Variants in SRBD1 observed in about 807,000 individuals in gnomAD.
SRBD1 encodes the protein S1 RNA binding domain 1.
SRBD1 carries 88 observed loss-of-function variants against 115.3 expected under a neutral mutation model. The ratio of observed to expected loss-of-function variants is 0.76; its 90% CI spans 0.64 to 0.91. The LOEUF is 0.91. SRBD1 is among the 40% of genes least tolerant of loss of function. The probability of loss-of-function intolerance (pLI) is 0.00; values close to 1 mark genes in which losing one functional copy is unlikely to be tolerated. For missense variants in SRBD1, 1,385 were observed against 1,177.4 expected, an observed-to-expected ratio of 1.18 and a Z score of -2.58; for synonymous variants, 509 against 407.7, an observed-to-expected ratio of 1.25 and a Z score of -2.99.
intron 14 of SRBD1, among the ~76,000 whole-genome samples, chr2:45,522,505 A>G (rs1671317747): frequency 6.6e-6 from 1 of 152,128 alleles, no homozygotes; most frequent in African/African-American, 2.4e-5. Context: ...CAAACATGAT[A>G]CTCAAAGGAA....
chr2:45,394,856 G>A (rs960708459), intron 19 of SRBD1, among the ~76,000 whole-genome samples: 4 of 152,224 alleles, frequency 2.6e-5, no homozygotes, highest in Admixed American at 6.5e-5. Context: ...AAACGTTGGT[G>A]TTTGGTCTCC....
At chr2:45,530,599 C>T (rs893587397) in intron 14 of SRBD1, among the ~76,000 whole-genome samples, 5 of 152,032 alleles carry the variant, frequency 3.3e-5, no homozygotes, top group African/African-American at 1.2e-4. Context: ...TAAAGACACA[C>T]ATCCTATATA....
At chr2:45,418,792 A>T (rs1667912883) in intron 17 of SRBD1, among the ~76,000 whole-genome samples, 2 of 152,180 alleles carry the variant, frequency 1.3e-5, no homozygotes, top group African/African-American at 4.8e-5. Flanking sequence ...GCTGGTAAGA[A>T]GGCTAACACT....
At chr2:45,491,362 G>A (rs928909933) in intron 14 of SRBD1, among the ~76,000 whole-genome samples, 9 of 151,978 alleles carry the variant, frequency 5.9e-5, no homozygotes, top group African/African-American at 2.2e-4. Context: ...AAACAAATTA[G>A]CCTCAAAATC....
At chr2:45,602,926 G>C (rs1022563199) in intron 2 of SRBD1, among the ~76,000 whole-genome samples, 1 of 152,188 alleles carries the variant, frequency 6.6e-6, no homozygotes, top group Non-Finnish European at 1.5e-5. Flanking sequence ...GAATAATTAT[G>C]ATAGGTCAAA....
intron 19 of SRBD1, among the ~76,000 whole-genome samples, chr2:45,401,146 C>G (rs1264120821): frequency 1.3e-5 from 2 of 152,106 alleles, no homozygotes; most frequent in South Asian, 2.1e-4. Flanking sequence ...TAGGTTTTAA[C>G]TACTAACAAC....
chr2:45,419,809 A>C lies in SRBD1; in HGVS notation c.2135T>G (p.Ile712Ser), dbSNP rs1667943093. The C allele has an allele frequency of 1.2e-6, 2 of 1,613,840 alleles. No individual in the cohort carries two copies. Among genetic ancestry groups the C allele is most frequent in the East Asian group, 4.5e-5 (2 of 44,866 alleles). The change falls in exon 17 of 21, where the codon ATC (isoleucine) becomes AGC (serine). Residue 712 changes from isoleucine to serine, a missense_variant. Coordinates refer to ENST00000263736, the MANE Select transcript of SRBD1 (RefSeq NM_018079.5). ...TCACCTTAACAAAACTTCTGAACAG[A>C]TGTTAATATCCACTCCCACAAAGCT... is the stretch of plus-strand genomic sequence containing the variant. ...CVSFVGVDIN[I>S]CSEVLLRHIA...
At chr2:45,522,286 G>C (rs753453091) in intron 14 of SRBD1, among the ~76,000 whole-genome samples, 8 of 151,946 alleles carry the variant, frequency 5.3e-5, no homozygotes, top group Non-Finnish European at 1.2e-4. Context: ...GATCCTCCTA[G>C]CTCAGCCTCC....
chr2:45,453,650 CT>C (rs1293363880), intron 16 of SRBD1, among the ~76,000 whole-genome samples: 2 of 151,744 alleles, frequency 1.3e-5, no homozygotes, highest in African/African-American at 4.8e-5. Context: ...GTGTTCCTTT[CT>C]TATAAAAATT....
chr2:45,489,765 C>T (rs1218027212), intron 14 of SRBD1, among the ~76,000 whole-genome samples: 1 of 152,094 alleles, frequency 6.6e-6, no homozygotes, highest in East Asian at 1.9e-4. Flanking sequence ...TAGATTTGGA[C>T]CCTAACCTGC....
intron 20 of SRBD1, among the ~76,000 whole-genome samples, chr2:45,392,376 T>A (rs1667028689): frequency 6.6e-6 from 1 of 152,196 alleles, no homozygotes; most frequent in Non-Finnish European, 1.5e-5. Context: ...ATACTGTAAT[T>A]CTTTTTCACT....
intron 14 of SRBD1, among the ~76,000 whole-genome samples, chr2:45,507,305 C>G (rs1243427012): frequency 6.6e-6 from 1 of 152,044 alleles, no homozygotes; most frequent in South Asian, 2.1e-4. Flanking sequence ...AGCAAGCAGA[C>G]AAACCAAGGC....
intron 10 of SRBD1, among the ~76,000 whole-genome samples, chr2:45,558,000 C>A (rs968056271): frequency 2.0e-5 from 3 of 152,190 alleles, no homozygotes; most frequent in East Asian, 1.9e-4. Flanking sequence ...GCTCTCCCAA[C>A]TTCATATATA....
At chr2:45,562,587 T>A in intron 10 of SRBD1, 66 bp downstream of exon 10, 1 of 1,280,272 alleles carries the variant, frequency 7.8e-7, no homozygotes, top group East Asian at 2.4e-5. Context: ...TATCAGTACA[T>A]ATAGATATCG....
intron 16 of SRBD1, among the ~76,000 whole-genome samples, chr2:45,471,458 C>A (rs143306824): frequency 6.6e-6 from 1 of 152,176 alleles, no homozygotes; most frequent in East Asian, 1.9e-4. Context: ...ATTGTAGTTG[C>A]TTCTAATATT....
rs374458157 is a variant in SRBD1, at chr2:45,581,674, G to T, written c.933+19C>A. The T allele has an allele frequency of 7.4e-5, 117 of 1,587,628 alleles. No homozygotes were observed. Among genetic ancestry groups the T allele is most frequent in the Middle Eastern group, 3.4e-4 (2 of 5,922 alleles). On this transcript the variant is annotated intron_variant, in intron 6 of 20. Coordinates refer to ENST00000263736, the MANE Select transcript of SRBD1 (RefSeq NM_018079.5). ...AATATATTCAGGTATTACATTAAAA[G>T]ATAAAAAGGATTCCTTACCACGTGT...
intron 1 of SRBD1, among the ~76,000 whole-genome samples, chr2:45,610,383 G>C (rs1219897521): frequency 2.0e-5 from 3 of 152,230 alleles, no homozygotes; most frequent in Non-Finnish European, 4.4e-5. Flanking sequence ...AATGTTAGCA[G>C]ATTCCCAAGT....
intron 10 of SRBD1, among the ~76,000 whole-genome samples, chr2:45,559,248 G>T (rs1218595078): frequency 6.6e-6 from 1 of 152,094 alleles, no homozygotes; most frequent in Non-Finnish European, 1.5e-5. Context: ...TCACACTCCT[G>T]TATTTAAAAT....
intron 1 of SRBD1, among the ~76,000 whole-genome samples, chr2:45,609,052 C>G (rs1674363208): frequency 6.6e-6 from 1 of 152,170 alleles, no homozygotes; most frequent in African/African-American, 2.4e-5. Context: ...GGTGATCTGC[C>G]TGCCTCGGCC....
Sources: gnomAD v4.1 joint callset for allele counts (sites outside exome capture counted in the v4.1 genomes callset) on GRCh38, gnomAD v4.1.1 for gene constraint, MANE v1.5 for transcripts, NCBI Gene and HGNC (gene_info 2026-07-23, HGNC 2026-07-21) for gene names.